Variants in XKR4 observed in about 807,000 individuals in gnomAD.
XKR4 encodes XK related 4, also known as XK-related protein 4.
In XKR4, 12 loss-of-function variants were observed where a neutral mutation model predicts 53.9. The observed-to-expected ratio is 0.22, with a 90% CI of 0.14 to 0.36. XKR4 has a LOEUF of 0.36. XKR4 is among the 10% of genes least tolerant of loss of function. XKR4 has a pLI of 1.00. For missense variants in XKR4, 799 were observed against 859.5 expected, an observed-to-expected ratio of 0.93 and a Z score of 0.88; for synonymous variants, 354 against 362.4, an observed-to-expected ratio of 0.98 and a Z score of 0.26.
chr8:55,106,215 TAC>T (rs2129350474), intron 1 of XKR4, among the ~76,000 whole-genome samples: 1 of 152,318 alleles, frequency 6.6e-6, no homozygotes, highest in East Asian at 1.9e-4. Flanking sequence ...TTTCTCTAAA[TAC>T]AGTCTTTTGA....
intron 2 of XKR4, among the ~76,000 whole-genome samples, chr8:55,428,740 T>A (rs1805055710): frequency 6.6e-6 from 1 of 152,194 alleles, no homozygotes; most frequent in South Asian, 2.1e-4. Context: ...AGGACTTCTA[T>A]GCCAAAATTA....
At chr8:55,348,141 G>T (rs1483891968) in intron 1 of XKR4, among the ~76,000 whole-genome samples, 2 of 151,446 alleles carry the variant, frequency 1.3e-5, no homozygotes, top group African/African-American at 4.9e-5. Flanking sequence ...TTAACAGACT[G>T]ATCTAACCCA....
intron 1 of XKR4, among the ~76,000 whole-genome samples, chr8:55,158,807 T>G (rs1230551400): frequency 6.6e-6 from 1 of 152,226 alleles, no homozygotes; most frequent in Non-Finnish European, 1.5e-5. Flanking sequence ...TGGCATTATT[T>G]CTGAGCTCTC....
intron 2 of XKR4, among the ~76,000 whole-genome samples, chr8:55,409,061 C>T (rs1022901973): frequency 1.3e-5 from 2 of 151,078 alleles, no homozygotes; most frequent in African/African-American, 4.9e-5. Flanking sequence ...GGACAGGGGT[C>T]CAGGAGGCTC....
At chr8:55,433,271 C>T (rs970940900) in intron 2 of XKR4, among the ~76,000 whole-genome samples, 3 of 152,146 alleles carry the variant, frequency 2.0e-5, no homozygotes, top group African/African-American at 4.8e-5. Context: ...GGAACTATAA[C>T]ACACCAAGGA....
chr8:55,450,710 G>A (rs1229085874), intron 2 of XKR4: 22 of 583,546 alleles, frequency 3.8e-5, no homozygotes, highest in Non-Finnish European at 6.2e-5. Context: ...TGGCTGAAGC[G>A]ATGACTGAAG....
intron 1 of XKR4, among the ~76,000 whole-genome samples, chr8:55,216,260 G>T: frequency 6.6e-6 from 1 of 152,330 alleles, no homozygotes; most frequent in Middle Eastern, 3.4e-3. Context: ...GTATATGGAA[G>T]GGAAATGGGG....
At chr8:55,296,827 A>G (rs1170592300) in intron 1 of XKR4, among the ~76,000 whole-genome samples, 1 of 152,202 alleles carries the variant, frequency 6.6e-6, no homozygotes, top group African/African-American at 2.4e-5. Flanking sequence ...GTTTTGTACC[A>G]AAACATGTAT....
chr8:55,323,243 T>C (rs949212238), intron 1 of XKR4, among the ~76,000 whole-genome samples: 2 of 152,184 alleles, frequency 1.3e-5, no homozygotes, highest in South Asian at 4.1e-4. Flanking sequence ...GGTGTAGAGT[T>C]CTATGAGTTT....
intron 1 of XKR4, among the ~76,000 whole-genome samples, chr8:55,263,873 T>C (rs1245734552): frequency 2.6e-5 from 4 of 152,186 alleles, no homozygotes; most frequent in Admixed American, 6.5e-5. Context: ...CAGAAATGCA[T>C]TGAAGAACTT....
intron 1 of XKR4, among the ~76,000 whole-genome samples, chr8:55,317,232 T>C (rs1819490310): frequency 6.6e-6 from 1 of 152,226 alleles, no homozygotes; most frequent in African/African-American, 2.4e-5. Context: ...CATTCTATCA[T>C]AGATGATGAG....
chr8:55,332,507 GC>G lies in XKR4; in HGVS notation c.807-25170del, dbSNP rs1442849769. On this transcript the variant is annotated intron_variant, in intron 1 of 2. Coordinates refer to ENST00000327381, the MANE Select transcript of XKR4 (RefSeq NM_052898.2). ...TATCTAGTTGCAAGGAACTTCTTCA[GC>G]TTTTGTTTACCTAGTAGTGTCTTAA... Among the ~76,000 whole-genome samples the G allele has an allele frequency of 3.9e-5, 6 of 151,952 alleles. No individual in the cohort carries two copies. In the East Asian group the frequency reaches 1.2e-3, roughly 29 times the overall value.
chr8:55,517,707 G>A (rs901930475), intron 2 of XKR4: 4 of 152,266 alleles, frequency 2.6e-5, no homozygotes, highest in East Asian at 1.9e-4. Flanking sequence ...GGAGAGCTCC[G>A]GTGGGCCCAG....
chr8:55,128,517 G>A (rs1816507118), intron 1 of XKR4, among the ~76,000 whole-genome samples: 1 of 152,192 alleles, frequency 6.6e-6, no homozygotes, highest in Non-Finnish European at 1.5e-5. Flanking sequence ...GAGTGACTTA[G>A]TCAAGTCTGA....
intron 1 of XKR4, among the ~76,000 whole-genome samples, chr8:55,136,921 G>A (rs1337232336): frequency 1.3e-5 from 2 of 152,150 alleles, no homozygotes; most frequent in African/African-American, 2.4e-5. Flanking sequence ...AGCATTCAAA[G>A]GCACCCATCT....
chr8:55,405,695 T>C (rs1300196576), intron 2 of XKR4, among the ~76,000 whole-genome samples: 1 of 152,236 alleles, frequency 6.6e-6, no homozygotes, highest in East Asian at 1.9e-4. Context: ...TTCAACTCCC[T>C]TTGATAGTCC....
chr8:55,487,089 G>A (rs1806203533), intron 2 of XKR4, among the ~76,000 whole-genome samples: 2 of 152,186 alleles, frequency 1.3e-5, no homozygotes, highest in Non-Finnish European at 2.9e-5. Flanking sequence ...GAGACCATGG[G>A]ATGGCTGCAG....
At position 55,481,617 on chromosome 8, in the gene XKR4, A is replaced by T. The variant is rs1806107785; in HGVS notation, c.1007-41664A>T. Among the ~76,000 whole-genome samples the T allele has an allele frequency of 3.3e-5, 5 of 152,150 alleles. No homozygotes were observed. In the South Asian group the frequency reaches 1.0e-3, roughly 32 times the overall value. On this transcript the variant is annotated intron_variant, in intron 2 of 2. Transcript: ENST00000327381. ...ATCAGAGTGAACAGGCAACCTACAG[A>T]ATGGGAGAAAATTTTTGCAACCTAC...
At chr8:55,184,870 T>C (rs1451962930) in intron 1 of XKR4, among the ~76,000 whole-genome samples, 1 of 127,350 alleles carries the variant, frequency 7.9e-6, no homozygotes, top group East Asian at 2.3e-4. Context: ...TAAGGCTAAA[T>C]AATTATTAGT....
Sources: allele counts gnomAD v4.1 joint callset (sites outside exome capture counted in the v4.1 genomes callset), GRCh38; gene constraint gnomAD v4.1.1; transcripts MANE v1.5; gene names NCBI Gene and HGNC (gene_info 2026-07-23, HGNC 2026-07-21).